CD200R1L: variants seen among roughly 807,000 people sequenced by gnomAD.
CD200R1L encodes cell surface glycoprotein CD200 receptor 2.
A neutral mutation model predicts 24.8 loss-of-function variants in CD200R1L; 14 were observed. That is an observed-to-expected ratio of 0.56 (90% CI 0.37 to 0.88). The LOEUF (loss-of-function observed/expected upper bound fraction) is 0.88, where lower values mean the gene tolerates loss of function less well. Ranked by LOEUF, CD200R1L falls within the 40% of genes least tolerant of loss-of-function variation. CD200R1L has a pLI of 0.00. For synonymous variants in CD200R1L, 111 were observed against 109.2 expected, an observed-to-expected ratio of 1.02 and a Z score of -0.11; for missense variants, 299 against 297.8, an observed-to-expected ratio of 1.00 and a Z score of -0.03.
intron 6 of CD200R1L, among the ~76,000 whole-genome samples, chr3:112,823,277 T>A (rs1282947646): frequency 6.6e-6 from 1 of 152,236 alleles, no homozygotes; most frequent in East Asian, 1.9e-4. Context: ...TCCTTTTGAT[T>A]ATTTCAGGTT....
At chr3:112,846,425 A>T (rs1050767454) in intron 1 of CD200R1L, among the ~76,000 whole-genome samples, 200 bp downstream of exon 1, 1 of 152,258 alleles carries the variant, frequency 6.6e-6, no homozygotes, top group Non-Finnish European at 1.5e-5. Flanking sequence ...TGGGGCTAAC[A>T]TAAAGCTTCT....
chr3:112,831,975 A>G (rs1237146732), intron 3 of CD200R1L, among the ~76,000 whole-genome samples: 1 of 152,216 alleles, frequency 6.6e-6, no homozygotes, highest in East Asian at 1.9e-4. Context: ...AAGGCAAATA[A>G]CATCACTGTA....
chr3:112,819,612 A>G (rs1189654007), intron 7 of CD200R1L, among the ~76,000 whole-genome samples, 160 bp downstream of exon 7: 2 of 152,216 alleles, frequency 1.3e-5, no homozygotes, highest in Non-Finnish European at 2.9e-5. Flanking sequence ...CTGGGCTCTC[A>G]GTTGTTAATG....
Position 112,816,443 on chromosome 3 carries a change from T to C in CD200R1L, c.741-468A>G, listed in dbSNP as rs568269010. On this transcript the variant is annotated intron_variant, in intron 7 of 7. Coordinates refer to ENST00000488794, the MANE Select transcript of CD200R1L (RefSeq NM_001199215.3). Reference sequence around the variant, plus strand: ...TGCTCAAAACAGATACATTAACACTTCCACCTCATTTTGTTGGCCAAAGCA... The same window carrying C: ...TGCTCAAAACAGATACATTAACACTCCCACCTCATTTTGTTGGCCAAAGCA... 5.3e-5 allele frequency among the ~76,000 whole-genome samples: 8 copies of C among 152,326 alleles called. No individual in the cohort carries two copies. In the South Asian group the frequency reaches 1.7e-3, roughly 32 times the overall value.
At chr3:112,844,764 T>C (rs1576100807) in intron 2 of CD200R1L, among the ~76,000 whole-genome samples, 1 of 151,766 alleles carries the variant, frequency 6.6e-6, no homozygotes, top group South Asian at 2.1e-4. Context: ...ACTCTACTAA[T>C]AATACAAAAA....
intron 3 of CD200R1L, among the ~76,000 whole-genome samples, chr3:112,834,462 C>G (rs993597236): frequency 2.6e-5 from 4 of 152,206 alleles, no homozygotes; most frequent in Non-Finnish European, 5.9e-5. Context: ...AAGAATTCCT[C>G]TAAGCTATAG....
intron 6 of CD200R1L, among the ~76,000 whole-genome samples, chr3:112,825,911 G>T (rs1042409207): frequency 6.6e-6 from 1 of 152,146 alleles, no homozygotes; most frequent in African/African-American, 2.4e-5. Context: ...GACGTATGAA[G>T]TAAGAGGCTA....
chr3:112,844,978 T>A (rs1414822777), intron 2 of CD200R1L, among the ~76,000 whole-genome samples: 2 of 151,496 alleles, frequency 1.3e-5, no homozygotes, highest in Non-Finnish European at 2.9e-5. Context: ...GAAGAAGAAC[T>A]AGAAAAACAA....
At chr3:112,832,347 G>A (rs1938821288) in intron 3 of CD200R1L, among the ~76,000 whole-genome samples, 1 of 152,158 alleles carries the variant, frequency 6.6e-6, no homozygotes, top group Non-Finnish European at 1.5e-5. Flanking sequence ...ATACAGTGGT[G>A]ATTTTTCAGT....
Position 112,824,765 on chromosome 3 carries a change from A to G in CD200R1L, c.616+2228T>C, listed in dbSNP as rs574864328. Among the ~76,000 whole-genome samples the G allele has an allele frequency of 6.6e-5, 10 of 152,356 alleles. No individual in the cohort carries two copies. The South Asian group carries it at 1.2e-3, about 19-fold the overall frequency. ...TACAGGGCTATGGAGGTGCTCTGAC[A>G]GAGGCATGCATGAAGCATTCTGTGA... On this transcript the variant is annotated intron_variant, in intron 6 of 7. Transcript: ENST00000488794.
chr3:112,833,439 C>T (rs932102629), intron 3 of CD200R1L, among the ~76,000 whole-genome samples: 2 of 152,108 alleles, frequency 1.3e-5, no homozygotes, highest in African/African-American at 4.8e-5. Context: ...TAACTAGTTG[C>T]CTTTTAAAAA....
rs772636008 is a variant in CD200R1L, at chr3:112,838,487, AAC to A, written c.-86-479_-86-478del. On this transcript the variant is annotated intron_variant, in intron 2 of 7. Coordinates refer to ENST00000488794, the MANE Select transcript of CD200R1L (RefSeq NM_001199215.3). ...AATTTGCAAAAAAAACAAACAAACAAACAAAAAAAAACGGTAAGGGAAACCTC... is the reference window on the plus strand; with the variant it reads ...AATTTGCAAAAAAAACAAACAAACAAAAAAAAAAACGGTAAGGGAAACCTC... 4.2e-3 allele frequency among the ~76,000 whole-genome samples: 534 copies of A among 126,918 alleles called. 2 individuals carry two copies. Among genetic ancestry groups the A allele is most frequent in the African/African-American group, 0.017 (475 of 27,164 alleles). 83.3% of individuals were successfully genotyped at this position (126,918 alleles called of 152,430 possible).
In CD200R1L at chr3:112,827,727, A is replaced by T. The variant is rs200245198; in HGVS notation, c.50-43T>A. 7.0e-4 allele frequency: 1,076 copies of T among 1,546,460 alleles called. 3 individuals are homozygous for T. Among genetic ancestry groups the T allele is most frequent in the Non-Finnish European group, 9.0e-4 (1,029 of 1,141,520 alleles). ...GGATAATGATATAGAAAACCTTGAT[A>T]AGGAACTTCATGTGTTATGTTTATC... On this transcript the variant is annotated intron_variant, in intron 4 of 7. Coordinates refer to ENST00000488794, the MANE Select transcript of CD200R1L (RefSeq NM_001199215.3).
At position 112,827,254 on chromosome 3, in the gene CD200R1L, AAG is replaced by A. The variant is rs1202036103; in HGVS notation, c.368-15_368-14del. 1 of 1,598,014 alleles carries A rather than the reference AAG, an allele frequency of 6.3e-7. No individual in the cohort carries two copies. The highest frequency in any genetic ancestry group is 1.7e-5 in the Admixed American group (1 of 57,932). On this transcript the variant is annotated splice_polypyrimidine_tract_variant and intron_variant, in intron 5 of 7. Coordinates refer to ENST00000488794, the MANE Select transcript of CD200R1L (RefSeq NM_001199215.3). ...ACTTCGGGTGTAACTGCAGAGAGGA[AAG>A]AGGGAAAAAAATGCTTCAGTTTTCA... is the stretch of plus-strand genomic sequence containing the variant.
At chr3:112,816,562 T>C (rs1387022) in intron 7 of CD200R1L, among the ~76,000 whole-genome samples, 137,848 of 152,194 alleles carry the variant, frequency 0.91, 62,785 homozygotes, top group Non-Finnish European at 0.96. Flanking sequence ...GGTGAAGATT[T>C]AGAGTCATGG....
intron 6 of CD200R1L, among the ~76,000 whole-genome samples, chr3:112,825,665 T>A (rs1938640328): frequency 6.6e-6 from 1 of 151,970 alleles, no homozygotes. Context: ...AGAGTTAATG[T>A]TTGAGGAAGT....
intron 6 of CD200R1L, 147 bp from the exon 7 acceptor site, chr3:112,820,042 G>A (rs1938497068): frequency 1.5e-6 from 1 of 675,974 alleles, no homozygotes; most frequent in Admixed American, 3.9e-5. Context: ...TGACTCAAAT[G>A]TTACTAATAT....
chr3:112,820,499 C>T (rs1050442623), intron 6 of CD200R1L, among the ~76,000 whole-genome samples: 5 of 152,148 alleles, frequency 3.3e-5, no homozygotes, highest in South Asian at 2.1e-4. Context: ...GGCGCAATCT[C>T]GGCTGACTGC....
At chr3:112,837,072 C>G (rs1938966816) in intron 3 of CD200R1L, among the ~76,000 whole-genome samples, 1 of 152,164 alleles carries the variant, frequency 6.6e-6, no homozygotes, top group Non-Finnish European at 1.5e-5. Context: ...TCTATCTATT[C>G]ATGTTTTCTA....
Sources: allele counts gnomAD v4.1 joint callset (sites outside exome capture counted in the v4.1 genomes callset), GRCh38; gene constraint gnomAD v4.1.1; transcripts MANE v1.5; gene names NCBI Gene and HGNC (gene_info 2026-07-23, HGNC 2026-07-21).